PUDP: variants seen among roughly 807,000 people sequenced by gnomAD.
The protein encoded by PUDP is pseudouridine-5'-phosphatase.
A neutral mutation model predicts 9.4 loss-of-function variants in PUDP; 8 were observed. The ratio of observed to expected loss-of-function variants is 0.85; its 90% CI spans 0.50 to 1.53. The LOEUF (loss-of-function observed/expected upper bound fraction) is 1.53, where lower values mean the gene tolerates loss of function less well. PUDP is among the 40% of genes most tolerant of loss of function. The pLI is 0.00. For synonymous variants in PUDP, 99 were observed against 80.7 expected, an observed-to-expected ratio of 1.23 and a Z score of -1.22; for missense variants, 188 against 189.7, an observed-to-expected ratio of 0.99 and a Z score of 0.05.
intron 3 of PUDP, among the ~76,000 whole-genome samples, chrX:6,850,821 A>G (rs72609556): frequency 0.097 from 10,823 of 111,723 alleles, 623 homozygotes; most frequent in East Asian, 0.46. Flanking sequence ...CTCTGGAGAC[A>G]TATACAGAAA....
intron 3 of PUDP, among the ~76,000 whole-genome samples, chrX:6,876,252 T>C (rs888954619): frequency 2.3e-4 from 26 of 111,832 alleles, no homozygotes; most frequent in African/African-American, 8.4e-4. Context: ...TGCCCAATTG[T>C]AGGCTAATGT....
intron 3 of PUDP, among the ~76,000 whole-genome samples, chrX:6,872,696 TAA>T (rs199625491): frequency 0.023 from 1,465 of 63,791 alleles, 40 homozygotes; most frequent in African/African-American, 0.078. Context: ...AAGATTCCAT[TAA>T]AAAAAAAAAA....
intron 1 of PUDP, among the ~76,000 whole-genome samples, chrX:6,716,982 G>A (rs867148498): frequency 1.4e-4 from 15 of 110,961 alleles, no homozygotes; most frequent in East Asian, 2.8e-4. Flanking sequence ...TTGCCCAGGC[G>A]TGTCTTGAAC....
intron 3 of PUDP, among the ~76,000 whole-genome samples, chrX:6,915,595 C>T (rs1457195429): frequency 4.5e-5 from 5 of 111,994 alleles, no homozygotes; most frequent in Non-Finnish European, 9.4e-5. Flanking sequence ...TGCCATGTCC[C>T]ACCCACTTCT....
intron 3 of PUDP, among the ~76,000 whole-genome samples, chrX:6,768,841 C>T (rs1325795599): frequency 9.0e-6 from 1 of 111,446 alleles, no homozygotes; most frequent in Non-Finnish European, 1.9e-5. Flanking sequence ...AGGTAGAACA[C>T]ACTTTTACGA....
intron 3 of PUDP, among the ~76,000 whole-genome samples, chrX:7,055,080 C>T (rs1207040347): frequency 1.8e-5 from 2 of 111,510 alleles, no homozygotes; most frequent in Non-Finnish European, 3.8e-5. Flanking sequence ...AACTGCACCA[C>T]ACACACAGCC....
intron 3 of PUDP, among the ~76,000 whole-genome samples, chrX:6,744,532 T>C (rs1203832448): frequency 8.9e-6 from 1 of 112,122 alleles, no homozygotes; most frequent in Non-Finnish European, 1.9e-5. Flanking sequence ...CTGATAATCA[T>C]TGAGTCTGTA....
chrX:7,020,840 C>T (rs1569140906), intron 1 of PUDP, among the ~76,000 whole-genome samples: 1 of 112,836 alleles, frequency 8.9e-6, no homozygotes, highest in Non-Finnish European at 1.9e-5. Flanking sequence ...TGTGGGTGAT[C>T]CCAGTGTCTG....
intron 1 of PUDP, among the ~76,000 whole-genome samples, chrX:7,013,699 A>T (rs1487474316): frequency 8.9e-6 from 1 of 111,873 alleles, no homozygotes; most frequent in Non-Finnish European, 1.9e-5. Flanking sequence ...CCCTGATGGG[A>T]GATGGAGCAC....
chrX:6,950,673 G>C lies in PUDP; in HGVS notation c.*247+26460C>G, dbSNP rs941020289. 2.7e-5 allele frequency among the ~76,000 whole-genome samples: 3 copies of C among 110,438 alleles called. No individual in the cohort carries two copies. The South Asian group carries it at 1.2e-3, about 44-fold the overall frequency. On this transcript the variant is annotated intron_variant and NMD_transcript_variant, in intron 3 of 3. Transcript: ENST00000655425. ...GATCCACCCACCTCGGCCTCCCATA[G>C]TGCTGGGATTACAGGCGTGAGCCAC...
chrX:6,869,024 G>T (rs1013277010), intron 3 of PUDP, among the ~76,000 whole-genome samples: 3 of 112,054 alleles, frequency 2.7e-5, no homozygotes, highest in Non-Finnish European at 5.6e-5. Context: ...GCTCTGTTCA[G>T]GTTCATGCTG....
intron 2 of PUDP, among the ~76,000 whole-genome samples, chrX:7,081,375 A>C (rs1381470893): frequency 2.7e-5 from 3 of 111,820 alleles, no homozygotes; most frequent in Non-Finnish European, 5.6e-5. Context: ...GCTAGTCTTG[A>C]AGTTCTGCTT....
At chrX:6,865,884 G>A (rs1009077012) in intron 3 of PUDP, among the ~76,000 whole-genome samples, 40 of 109,470 alleles carry the variant, frequency 3.7e-4, no homozygotes, top group Middle Eastern at 4.6e-3. Flanking sequence ...AAACAAGTAC[G>A]CACAGCAATG....
At position 7,081,198 on chromosome X, in the gene PUDP, G is replaced by A. The variant is rs758153756; in HGVS notation, c.281-3749C>T. 5.4e-5 allele frequency among the ~76,000 whole-genome samples: 6 copies of A among 111,601 alleles called. No individual in the cohort carries two copies. In the South Asian group the frequency reaches 2.3e-3, roughly 43 times the overall value. On this transcript the variant is annotated intron_variant, in intron 2 of 3. Coordinates refer to ENST00000381077, the MANE Select transcript of PUDP (RefSeq NM_012080.5). ...GTTTTGAGACAGGATCTTGCTCTGT[G>A]ACCCAGGCTGGAGCAGAGTCAAACA...
rs753483415 is a variant in PUDP at position 7,060,362 on chromosome X, C to T, written c.511-9890G>A. Among the ~76,000 whole-genome samples the T allele has an allele frequency of 3.6e-5, 4 of 112,167 alleles. No individual in the cohort carries two copies. The East Asian group carries it at 8.4e-4, about 24-fold the overall frequency. ...CACTGGCCTCCCATGCCCATATTAA[C>T]GTTCAATTCTAAATTGTCTAGTAGT... On this transcript the variant is annotated intron_variant, in intron 3 of 3. Transcript: ENST00000381077.
intron 1 of PUDP, among the ~76,000 whole-genome samples, chrX:7,041,113 T>C (rs978403411): frequency 8.9e-6 from 1 of 112,057 alleles, no homozygotes; most frequent in African/African-American, 3.2e-5. Context: ...GGGATTTGCA[T>C]TTTTAAAAGG....
At chrX:6,712,622 T>C (rs1464330625) in intron 1 of PUDP, among the ~76,000 whole-genome samples, 3 of 112,032 alleles carry the variant, frequency 2.7e-5, no homozygotes, top group African/African-American at 9.7e-5. Context: ...ACCTTCACCA[T>C]GTTCATCTTG....
intron 3 of PUDP, among the ~76,000 whole-genome samples, chrX:6,908,588 G>A (rs1373624689): frequency 9.0e-6 from 1 of 111,651 alleles, no homozygotes; most frequent in Non-Finnish European, 1.9e-5. Flanking sequence ...TTTGGACATA[G>A]ATGTGTGAAA....
At chrX:7,145,295 A>T (rs753449893) in intron 1 of PUDP, among the ~76,000 whole-genome samples, 1 of 112,248 alleles carries the variant, frequency 8.9e-6, no homozygotes, top group African/African-American at 3.2e-5. Flanking sequence ...CAAAATTTTT[A>T]CCTGGCTCAA....
Sources: allele counts gnomAD v4.1 joint callset (sites outside exome capture counted in the v4.1 genomes callset), GRCh38; gene constraint gnomAD v4.1.1; transcripts MANE v1.5; gene names NCBI Gene and HGNC (gene_info 2026-07-23, HGNC 2026-07-21).